Variants in CNTN4 observed in about 807,000 individuals in gnomAD.
The protein encoded by CNTN4 is contactin 4.
A neutral mutation model predicts 122.5 loss-of-function variants in CNTN4; 77 were observed. The ratio of observed to expected loss-of-function variants is 0.63; its 90% CI spans 0.52 to 0.76. The LOEUF (loss-of-function observed/expected upper bound fraction) is 0.76. Among genes scored for constraint, CNTN4 ranks in the 30% least tolerant of loss-of-function variants. CNTN4 has a pLI of 0.00. For missense variants in CNTN4, 1,256 were observed against 1,259.1 expected (o/e 1.00, Z 0.04); for synonymous variants, 512 against 447.0 (o/e 1.15, Z -1.83).
At chr3:3,029,111 T>C (rs1162093581) in intron 15 of CNTN4, among the ~76,000 whole-genome samples, 1 of 152,182 alleles carries the variant, frequency 6.6e-6, no homozygotes, top group African/African-American at 2.4e-5. Context: ...ATTTTCCCAT[T>C]TTATTGAGCA....
intron 10 of CNTN4, among the ~76,000 whole-genome samples, chr3:2,891,566 C>T (rs2094041128): frequency 6.6e-6 from 1 of 152,092 alleles, no homozygotes; most frequent in South Asian, 2.1e-4. Flanking sequence ...GACCCAAAAC[C>T]TAAAGGATGA....
At chr3:2,696,300 C>T (rs993642130) in intron 4 of CNTN4, among the ~76,000 whole-genome samples, 2 of 152,090 alleles carry the variant, frequency 1.3e-5, no homozygotes, top group African/African-American at 4.8e-5. Flanking sequence ...AATGTGTGTT[C>T]CCTCCAAAGT....
At chr3:2,472,848 T>A (rs1285380973) in intron 3 of CNTN4, among the ~76,000 whole-genome samples, 1 of 152,228 alleles carries the variant, frequency 6.6e-6, no homozygotes, top group Non-Finnish European at 1.5e-5. Context: ...TTGTCTATTT[T>A]TATTCTTTCA....
intron 23 of CNTN4, among the ~76,000 whole-genome samples, chr3:3,053,232 G>A (rs1226654848): frequency 1.3e-5 from 2 of 152,144 alleles, no homozygotes; most frequent in Admixed American, 6.5e-5. Flanking sequence ...ACAGGGTTTC[G>A]CCATGTTGGT....
chr3:2,526,594 T>A (rs73000100), intron 3 of CNTN4, among the ~76,000 whole-genome samples: 1 of 152,144 alleles, frequency 6.6e-6, no homozygotes, highest in East Asian at 1.9e-4. Flanking sequence ...TTTACCAAAA[T>A]ACGTATGGGA....
At chr3:2,205,541 C>G (rs2038302278) in intron 2 of CNTN4, among the ~76,000 whole-genome samples, 1 of 151,946 alleles carries the variant, frequency 6.6e-6, no homozygotes, top group Non-Finnish European at 1.5e-5. Context: ...TCAAATAAAA[C>G]CTGCTCAAGT....
chr3:2,190,097 C>A (rs115103369), intron 2 of CNTN4, among the ~76,000 whole-genome samples: 1 of 152,286 alleles, frequency 6.6e-6, no homozygotes, highest in African/African-American at 2.4e-5. Context: ...ACCCCAGAGT[C>A]CTCTGTGAGT....
chr3:2,135,636 T>A (rs1292168190), intron 2 of CNTN4, among the ~76,000 whole-genome samples: 1 of 151,532 alleles, frequency 6.6e-6, no homozygotes, highest in Non-Finnish European at 1.5e-5. Flanking sequence ...GCAGAGCTTT[T>A]TGTTTGGGAA....
chr3:3,043,243 T>A (rs1700325620), intron 22 of CNTN4, 80 bp downstream of exon 22: 1 of 1,330,776 alleles, frequency 7.5e-7, no homozygotes. Context: ...CACCTCCCAA[T>A]GATCATTTGC....
Position 2,887,222 on chromosome 3 carries a change from A to G in CNTN4, c.938A>G (p.Tyr313Cys), listed in dbSNP as rs749461281. Residue 313 changes from tyrosine to cysteine, a missense_variant and splice_region_variant, in exon 10 of 25, where the codon TAT (tyrosine) becomes TGT (cysteine). Physicochemically the swap from Tyr to Cys is radical, Grantham distance 194 (BLOSUM62 -2). Coordinates refer to ENST00000418658, the MANE Select transcript of CNTN4 (RefSeq NM_175607.3). ...GTAGCAAGGGGACAGCTAACTTTCT[A>G]TGGTAAGTGTATGATTTCAGTTTAT... ...KNVARGQLTF[Y>C]AQPNWIQKIN... The G allele has an allele frequency of 3.7e-6, 6 of 1,612,282 alleles. No individual in the cohort carries two copies. Among genetic ancestry groups the G allele is most frequent in the Non-Finnish European group, 3.4e-6 (4 of 1,179,676 alleles).
chr3:2,507,893 A>G (rs901547708), intron 3 of CNTN4, among the ~76,000 whole-genome samples: 34 of 152,004 alleles, frequency 2.2e-4, no homozygotes, highest in African/African-American at 7.5e-4. Flanking sequence ...CTCCACACAC[A>G]CACCCCCTCA....
chr3:2,957,193 A>AT (rs146664371), intron 13 of CNTN4, among the ~76,000 whole-genome samples: 1 of 151,590 alleles, frequency 6.6e-6, no homozygotes, highest in Non-Finnish European at 1.5e-5. Flanking sequence ...TCTAATTTAA[A>AT]TTTTTTTTTG....
At chr3:2,227,505 A>G (rs546203128) in intron 2 of CNTN4, among the ~76,000 whole-genome samples, 11 of 152,254 alleles carry the variant, frequency 7.2e-5, no homozygotes, top group African/African-American at 1.7e-4. Context: ...ATTATGCCCC[A>G]CTTTACTTAT....
intron 13 of CNTN4, among the ~76,000 whole-genome samples, chr3:2,982,638 G>A (rs1227364850): frequency 6.6e-6 from 1 of 152,104 alleles, no homozygotes; most frequent in African/African-American, 2.4e-5. Context: ...TTCTCAAAGA[G>A]CTCCTGGTTT....
Position 2,798,573 on chromosome 3 carries a change from G to A in CNTN4, c.359-20913G>A, listed in dbSNP as rs149011478. Among the ~76,000 whole-genome samples, 567 of 152,114 alleles carry A rather than the reference G, an allele frequency of 3.7e-3. 3 individuals are homozygous for A. Among genetic ancestry groups the A allele is most frequent in the African/African-American group, 0.013 (531 of 41,508 alleles). ...CACCCAGGATGGAGTGCAGTGGTGC[G>A]ATCTCAGCTCACTGCAACTTCTGCC... On this transcript the variant is annotated intron_variant, in intron 6 of 24. Coordinates refer to ENST00000418658, the MANE Select transcript of CNTN4 (RefSeq NM_175607.3).
At chr3:2,107,393 G>A (rs1302584491) in intron 2 of CNTN4, among the ~76,000 whole-genome samples, 1 of 152,136 alleles carries the variant, frequency 6.6e-6, no homozygotes, top group East Asian at 1.9e-4. Flanking sequence ...GGTGGAAGGG[G>A]AGAGAGAAGC....
Position 2,745,679 on chromosome 3 carries a change from G to A in CNTN4, c.340G>A (p.Ala114Thr), listed in dbSNP as rs1366672019. 1 of 1,614,090 alleles carries A rather than the reference G, an allele frequency of 6.2e-7. No individual in the cohort carries two copies. The highest frequency in any genetic ancestry group is 1.7e-5 in the Admixed American group (1 of 60,028). Residue 114 changes from alanine to threonine, a missense_variant, in exon 6 of 25, where the codon GCA (alanine) becomes ACA (threonine). Ala to Thr is a moderately conservative substitution (Grantham distance 58). Coordinates refer to ENST00000418658, the MANE Select transcript of CNTN4 (RefSeq NM_175607.3). ...NSFGTIVSRE[A>T]KLQFAYLDNF... ...GTTTGGAACAATTGTTAGCAGAGAA[G>A]CAAAGCTTCAGTTTGCTTGTAAGTA...
intron 2 of CNTN4, among the ~76,000 whole-genome samples, chr3:2,108,196 C>T (rs2125117669): frequency 1.5e-5 from 2 of 137,350 alleles, no homozygotes. Context: ...TGACTGTTTA[C>T]ATTGCCTCTC....
intron 2 of CNTN4, among the ~76,000 whole-genome samples, chr3:2,228,055 T>TTTAAG (rs56840770): frequency 0.2 from 29,652 of 151,956 alleles, 3,373 homozygotes; most frequent in South Asian, 0.37. Flanking sequence ...ACTAACAGAA[T>TTTAAG]TTAAGTAAAT....
Sources: allele counts gnomAD v4.1 joint callset (sites outside exome capture counted in the v4.1 genomes callset), GRCh38; gene constraint gnomAD v4.1.1; transcripts MANE v1.5; gene names NCBI Gene and HGNC (gene_info 2026-07-23, HGNC 2026-07-21).